HAP1: variants seen among roughly 807,000 people sequenced by gnomAD.
HAP1 encodes huntingtin-associated protein 1.
A neutral mutation model predicts 60.3 loss-of-function variants in HAP1; 59 were observed. The ratio of observed to expected loss-of-function variants is 0.98; its 90% CI spans 0.79 to 1.22. The LOEUF (loss-of-function observed/expected upper bound fraction) is 1.22. Among genes scored for constraint, HAP1 ranks in the 50% most tolerant of loss-of-function variants. HAP1 has a pLI of 0.00. For missense variants in HAP1, 825 were observed against 785.3 expected, an observed-to-expected ratio of 1.05 and a Z score of -0.60; for synonymous variants, 346 against 330.6, an observed-to-expected ratio of 1.05 and a Z score of -0.50.
intron 3 of HAP1, 42 bp downstream of exon 3, chr17:41,732,188 G>A (rs1485215819): frequency 1.9e-6 from 3 of 1,610,620 alleles, no homozygotes; most frequent in Admixed American, 3.3e-5. Flanking sequence ...GCATGAGGCA[G>A]GTGTAGATTG....
rs1363736280 is a variant in HAP1 at position 41,724,621 on chromosome 17, A to C, written c.*80T>G. 25 of 1,021,824 alleles carry C rather than the reference A, an allele frequency of 2.4e-5. No homozygotes were observed. The highest frequency in any genetic ancestry group is 2.9e-5 in the Non-Finnish European group (20 of 679,388). The allele number at this position is 1,021,824 out of a possible 1,614,324, so 63.3% of individuals were successfully genotyped here. A position where few individuals can be genotyped will look rare whatever the true frequency, so the allele number is the denominator to read the frequency against. On this transcript the variant is annotated 3_prime_UTR_variant, in exon 11 of 11. Transcript: ENST00000347901. ...AGAGGTGTCTATGCAAATGATATGC[A>C]AAGTCCATGCAAATAAGCACAGCAG...
intron 2 of HAP1, 53 bp from the exon 3 acceptor site, chr17:41,732,447 C>T (rs1005773267): frequency 1.3e-5 from 21 of 1,577,934 alleles, no homozygotes; most frequent in Non-Finnish European, 1.6e-5. Flanking sequence ...AGAACCTTCC[C>T]CATCCCCTAG....
At position 41,724,692 on chromosome 17, in the gene HAP1, CCT is replaced by C. The variant is rs782444822; in HGVS notation, c.*7_*8del. 25 of 1,578,174 alleles carry C rather than the reference CCT, an allele frequency of 1.6e-5. No individual in the cohort carries two copies. The highest frequency in any genetic ancestry group is 3.4e-5 in the Admixed American group (2 of 58,842). The stretch of plus-strand genomic sequence containing the variant: ...GTGAGCACTCGGGGAGCTTATCCAC[CCT>C]CTCTTTTCATCGGCACGACGATCTG... On this transcript the variant is annotated 3_prime_UTR_variant, in exon 11 of 11. Transcript: ENST00000347901.
intron 9 of HAP1, 143 bp downstream of exon 9, chr17:41,726,910 A>G (rs1911681518): frequency 1.7e-6 from 1 of 599,744 alleles, no homozygotes; most frequent in African/African-American, 1.9e-5. Flanking sequence ...CCATATTCAT[A>G]GAGAAGCAAT....
intron 9 of HAP1, 89 bp downstream of exon 9, chr17:41,726,964 C>A: frequency 1.5e-6 from 1 of 676,778 alleles, no homozygotes; most frequent in Non-Finnish European, 2.6e-6. Context: ...TATAGGGAAG[C>A]GTGGAAGGTC....
Position 41,725,112 on chromosome 17 carries a change from C to G in HAP1, c.1449G>C (p.Gly483=). The change falls in exon 11 of 11, where the codon GGG becomes GGC. Residue 483 remains glycine (G), a synonymous_variant. Transcript: ENST00000347901. The stretch of plus-strand genomic sequence containing the variant: ...GCATCAACCCTTCCTCAGCCTCAAA[C>G]CCCCGCACCTGCTCTCGATCCTCAC... ...RYSEDREQVR[G]FEAEEGLMLA... 2 of 1,608,646 alleles carry G rather than the reference C, an allele frequency of 1.2e-6. No homozygotes were observed. Among genetic ancestry groups the G allele is most frequent in the Non-Finnish European group, 1.7e-6 (2 of 1,176,776 alleles).
chr17:41,727,471 C>T (rs1567781448), intron 8 of HAP1: 4 of 776,090 alleles, frequency 5.2e-6, no homozygotes, highest in African/African-American at 1.7e-5. Flanking sequence ...GACCCAGGCA[C>T]ACCCAGTCCA....
chr17:41,726,409 AC>A (rs201104491), intron 9 of HAP1, among the ~76,000 whole-genome samples: 4,623 of 149,362 alleles, frequency 0.031, 221 homozygotes, highest in African/African-American at 0.085. Flanking sequence ...ATCTCAAAAA[AC>A]AAAAAAAAAA....
intron 6 of HAP1, chr17:41,730,494 T>A (rs1912112839): frequency 6.6e-6 from 1 of 152,300 alleles, no homozygotes; most frequent in African/African-American, 2.4e-5. Flanking sequence ...TTAAGAGGTA[T>A]CTTGGGCTAG....
At chr17:41,725,300 C>T (rs1050080835) in intron 10 of HAP1, 146 bp from the exon 11 acceptor site, 5 of 649,674 alleles carry the variant, frequency 7.7e-6, no homozygotes, top group Non-Finnish European at 1.3e-5. Flanking sequence ...AGCTCCAAGG[C>T]TTCAAATACC....
In HAP1 at chr17:41,727,589, C is replaced by A. The variant is rs182036541; in HGVS notation, c.1275+173G>T. The A allele has an allele frequency of 1.2e-5, 8 of 657,452 alleles. No homozygotes were observed. The South Asian group carries it at 1.4e-4, about 11-fold the overall frequency. The allele number at this position is 657,452 out of a possible 1,614,324, so 40.7% of individuals were successfully genotyped here. ...GTCCCTGCACTCCACACCACTCAGA[C>A]CTTGATGGAACTGTCACCTGCTGGG... is the stretch of plus-strand genomic sequence containing the variant. On this transcript the variant is annotated intron_variant, in intron 8 of 10. Coordinates refer to ENST00000347901, the MANE Select transcript of HAP1 (RefSeq NM_177977.3).
intron 1 of HAP1, 73 bp downstream of exon 1, chr17:41,734,093 C>G (rs1912490963): frequency 1.6e-6 from 2 of 1,273,934 alleles, no homozygotes; most frequent in Non-Finnish European, 2.2e-6. Context: ...GGTGCCTGGA[C>G]CCGATGGGGC....
At position 41,734,216 on chromosome 17, in the gene HAP1, G is replaced by T; in HGVS notation, c.419C>A (p.Pro140His). The change falls in exon 1 of 11, where the codon CCC becomes CAC. Residue 140 changes from proline to histidine, a missense_variant. Coordinates refer to ENST00000347901, the MANE Select transcript of HAP1 (RefSeq NM_177977.3). ...GGCGCGCTCAGGGCCGGACACCCCG[G>T]GTCGCCGGCCAACGTAGGCGGCTGG... The part of the protein sequence containing the change: ...KTPAAYVGRR[P>H]GVSGPERAAF... 1 of 1,599,176 alleles carries T rather than the reference G, an allele frequency of 6.3e-7. No individual in the cohort carries two copies. The highest frequency in any genetic ancestry group is 8.6e-7 in the Non-Finnish European group (1 of 1,169,384).
In HAP1 at chr17:41,732,412, G is replaced by A. The variant is rs901293676; in HGVS notation, c.550-18C>T. The A allele has an allele frequency of 1.2e-6, 2 of 1,612,924 alleles. No individual in the cohort carries two copies. Among genetic ancestry groups the A allele is most frequent in the Non-Finnish European group, 1.7e-6 (2 of 1,179,442 alleles). ...GGGAGAAGCTGGGGGGGACACAGGG[G>A]TCAGAGAGAGGCTAGGCCCCTAAGA... On this transcript the variant is annotated intron_variant, in intron 2 of 10. Coordinates refer to ENST00000347901, the MANE Select transcript of HAP1 (RefSeq NM_177977.3).
At chr17:41,732,656 C>T in intron 2 of HAP1, 63 bp downstream of exon 2, 2 of 1,360,336 alleles carry the variant, frequency 1.5e-6, no homozygotes, top group Non-Finnish European at 2.1e-6. Context: ...ATAAACAAGA[C>T]CCCCACCCCT....
Position 41,734,439 on chromosome 17 carries a change from T to A in HAP1, c.196A>T (p.Thr66Ser). 2 of 1,608,580 alleles carry A rather than the reference T, an allele frequency of 1.2e-6. No individual in the cohort carries two copies. Among genetic ancestry groups the A allele is most frequent in the Non-Finnish European group, 1.7e-6 (2 of 1,176,628 alleles). Residue 66 changes from threonine (T) to serine (S), a missense_variant, in exon 1 of 11, where the codon ACC becomes TCC. Thr to Ser is a moderately conservative substitution (Grantham distance 58). Transcript: ENST00000347901. Reference sequence around the variant, plus strand: ...GCCTCCGAGGCCGGGCGAGCTCCGGTGCGGGCTTCCGAGAGGAACTGGGAT... The same window carrying A: ...GCCTCCGAGGCCGGGCGAGCTCCGGAGCGGGCTTCCGAGAGGAACTGGGAT... The part of the protein sequence containing the change: ...SGSQFLSEAR[T>S]GARPASEAGA...
Position 41,732,134 on chromosome 17 carries a change from A to G in HAP1, c.715-16T>C. The G allele has an allele frequency of 6.2e-7, 1 of 1,613,432 alleles. No individual in the cohort carries two copies. Among genetic ancestry groups the G allele is most frequent in the Non-Finnish European group, 8.5e-7 (1 of 1,179,524 alleles). ...GGTATAAAATCTGGCAGGAAGAGAG[A>G]GGAGCCATGGGTTGGGAGTGGGCAG... On this transcript the variant is annotated splice_polypyrimidine_tract_variant and intron_variant, in intron 3 of 10. Transcript: ENST00000347901.
intron 2 of HAP1, 99 bp downstream of exon 2, chr17:41,732,620 G>T: frequency 8.5e-7 from 1 of 1,171,984 alleles, no homozygotes; most frequent in Non-Finnish European, 1.3e-6. Flanking sequence ...CTAACCTGGG[G>T]CCCCAGAGAG....
rs1912235160 is a variant in HAP1, at chr17:41,731,947, C to T, written c.886G>A (p.Ala296Thr). 2 of 906,764 alleles carry T rather than the reference C, an allele frequency of 2.2e-6. No individual in the cohort carries two copies. Among genetic ancestry groups the T allele is most frequent in the Non-Finnish European group, 1.8e-6 (1 of 555,902 alleles). 56.2% of individuals were successfully genotyped at this position (906,764 alleles called of 1,614,324 possible). A position where few individuals can be genotyped will look rare whatever the true frequency, so the allele number is the denominator to read the frequency against. ...EDLQCAHPCD[A>T]PKLISQEALL... ...AAGGCAGGAACTCACAGCTTAGGGGCATCACAGGGATGAGCACACTGCAGG... is the reference window on the plus strand; with the variant it reads ...AAGGCAGGAACTCACAGCTTAGGGGTATCACAGGGATGAGCACACTGCAGG... The change falls in exon 4 of 11, where the codon GCC becomes ACC. Residue 296 changes from alanine (A) to threonine (T), a missense_variant. Ala to Thr is a moderately conservative substitution (Grantham distance 58, BLOSUM62 0). Transcript: ENST00000347901.
Sources: gnomAD v4.1 joint callset for allele counts (sites outside exome capture counted in the v4.1 genomes callset) on GRCh38, gnomAD v4.1.1 for gene constraint, MANE v1.5 for transcripts, NCBI Gene and HGNC (gene_info 2026-07-23, HGNC 2026-07-21) for gene names.